Variants in DLGAP2 observed in about 807,000 individuals in gnomAD.
DLGAP2 encodes the protein DLG associated protein 2.
In DLGAP2, 26 loss-of-function variants were observed where a neutral mutation model predicts 100.3. The observed-to-expected ratio is 0.26, with a 90% confidence interval of 0.19 to 0.36. The LOEUF (loss-of-function observed/expected upper bound fraction) is 0.36. DLGAP2 is among the 10% of genes least tolerant of loss of function. The pLI, the probability that DLGAP2 is intolerant of heterozygous loss-of-function variation, is 1.00. For synonymous variants in DLGAP2, 886 were observed against 630.1 expected, an observed-to-expected ratio of 1.41 and a Z score of -6.08; for missense variants, 1,858 against 1,453.2, an observed-to-expected ratio of 1.28 and a Z score of -4.53.
chr8:1,249,403 T>A (rs1798987703), intron 2 of DLGAP2, among the ~76,000 whole-genome samples: 1 of 152,152 alleles, frequency 6.6e-6, no homozygotes, highest in African/African-American at 2.4e-5. Context: ...TCTTCAGGTG[T>A]TTCTGAACTA....
chr8:1,615,561 G>C (rs1431997984), intron 6 of DLGAP2, among the ~76,000 whole-genome samples: 2 of 152,006 alleles, frequency 1.3e-5, no homozygotes, highest in African/African-American at 4.8e-5. Context: ...TCACCGGAAA[G>C]ATCTTTAAAG....
chr8:867,085 A>G (rs1797512147), intron 1 of DLGAP2, among the ~76,000 whole-genome samples: 1 of 152,158 alleles, frequency 6.6e-6, no homozygotes, highest in Admixed American at 6.5e-5. Flanking sequence ...ACCCGGTACC[A>G]CTGATTCGTG....
intron 2 of DLGAP2, among the ~76,000 whole-genome samples, chr8:936,555 C>T (rs556828795): frequency 6.6e-6 from 1 of 152,212 alleles, no homozygotes; most frequent in South Asian, 2.1e-4. Flanking sequence ...GTGAAGGAAA[C>T]ACACTTAGAC....
At chr8:870,229 C>A (rs529798298) in intron 1 of DLGAP2, among the ~76,000 whole-genome samples, 1 of 152,198 alleles carries the variant, frequency 6.6e-6, no homozygotes, top group East Asian at 1.9e-4. Context: ...TTTCTCCTGA[C>A]AGGATCCCTG....
At position 1,375,182 on chromosome 8, in the gene DLGAP2, CCCCTCTCCACGGCCTCAGAACTG is replaced by C. The variant is rs1313566969; in HGVS notation, c.106+116300_106+116322del. Among the ~76,000 whole-genome samples the C allele has an allele frequency of 1.1e-4, 10 of 89,358 alleles. 1 individual carries two copies. The highest frequency in any genetic ancestry group is 4.7e-4 in the East Asian group (1 of 2,122). 58.6% of individuals were successfully genotyped at this position (89,358 alleles called of 152,430 possible). A position where few individuals can be genotyped will look rare whatever the true frequency, so the allele number is the denominator to read the frequency against. ...CCACCTCCTACATTTGGGTTAACGA[CCCCTCTCCACGGCCTCAGAACTG>C]ATCCCCCACCTCCTACATTTGGGTT... On this transcript the variant is annotated intron_variant, in intron 3 of 14. Coordinates refer to ENST00000637795, the MANE Select transcript of DLGAP2 (RefSeq NM_001346810.2).
chr8:953,736 A>G (rs1799534803), intron 2 of DLGAP2, among the ~76,000 whole-genome samples: 2 of 152,102 alleles, frequency 1.3e-5, no homozygotes, highest in Non-Finnish European at 1.5e-5. Context: ...TGAGAAAGAA[A>G]GTGCCGAGTG....
At chr8:1,478,729 A>G (rs1326727004) in intron 3 of DLGAP2, among the ~76,000 whole-genome samples, 2 of 152,146 alleles carry the variant, frequency 1.3e-5, no homozygotes, top group Non-Finnish European at 2.9e-5. Flanking sequence ...TTTGGATGGC[A>G]GCCACCCCCA....
chr8:1,081,338 A>G (rs1287485887), intron 2 of DLGAP2, among the ~76,000 whole-genome samples: 6 of 152,254 alleles, frequency 3.9e-5, no homozygotes, highest in South Asian at 4.1e-4. Flanking sequence ...ATAATAAGAT[A>G]CATAAGAAAG....
chr8:1,607,617 C>T (rs1796843270), intron 6 of DLGAP2, among the ~76,000 whole-genome samples: 1 of 152,218 alleles, frequency 6.6e-6, no homozygotes, highest in African/African-American at 2.4e-5. Context: ...TCTGCATTTC[C>T]ATCTGAGGTA....
intron 1 of DLGAP2, among the ~76,000 whole-genome samples, chr8:800,575 CT>C (rs1220562385): frequency 6.6e-6 from 1 of 152,182 alleles, no homozygotes. Flanking sequence ...GCATTGACAT[CT>C]ACAGTGGAGA....
rs554093937 is a variant in DLGAP2, at chr8:1,614,281, A to G, written c.1443-12459A>G. ...TCTCCTGAGCATTTGCAGTCAGGCAAGAGAACAGCCGTGGGGCCTCTGCAG... is the reference window on the plus strand; with the variant it reads ...TCTCCTGAGCATTTGCAGTCAGGCAGGAGAACAGCCGTGGGGCCTCTGCAG... On this transcript the variant is annotated intron_variant, in intron 6 of 14. Transcript: ENST00000637795. 5.9e-5 allele frequency among the ~76,000 whole-genome samples: 9 copies of G among 152,384 alleles called. No homozygotes were observed. The East Asian group carries it at 1.7e-3, about 29-fold the overall frequency.
At chr8:1,447,344 C>T (rs919230696) in intron 3 of DLGAP2, among the ~76,000 whole-genome samples, 43 of 152,156 alleles carry the variant, frequency 2.8e-4, no homozygotes, top group African/African-American at 9.7e-4. Context: ...TTGAGATAAT[C>T]ATGTGGTTTT....
At chr8:789,265 G>A (rs1467793939) in intron 1 of DLGAP2, among the ~76,000 whole-genome samples, 2 of 152,218 alleles carry the variant, frequency 1.3e-5, no homozygotes. Context: ...AGGATTTGCG[G>A]GAAGCATGGC....
At chr8:1,291,605 A>T (rs916041051) in intron 3 of DLGAP2, among the ~76,000 whole-genome samples, 2 of 152,142 alleles carry the variant, frequency 1.3e-5, no homozygotes, top group African/African-American at 4.8e-5. Flanking sequence ...TACTCTTAGC[A>T]TATCTCCTAT....
chr8:1,680,939 T>A (rs962127681), intron 12 of DLGAP2: 2 of 152,254 alleles, frequency 1.3e-5, no homozygotes, highest in African/African-American at 4.8e-5. Context: ...GGTGCCTTCC[T>A]TCCAGGATGA....
rs556224139 is a variant in DLGAP2 at position 1,376,866 on chromosome 8, C to T, written c.106+117983C>T. 1.6e-4 allele frequency among the ~76,000 whole-genome samples: 24 copies of T among 152,250 alleles called. No individual in the cohort carries two copies. In the South Asian group the frequency reaches 2.5e-3, roughly 16 times the overall value. On this transcript the variant is annotated intron_variant, in intron 3 of 14. Coordinates refer to ENST00000637795, the MANE Select transcript of DLGAP2 (RefSeq NM_001346810.2). Reference sequence around the variant, plus strand: ...TTTGGCCGTGAAAGCGAAATGTGCACGGGTAGGAAATGGCCTCAGAGCAAG... The same window carrying T: ...TTTGGCCGTGAAAGCGAAATGTGCATGGGTAGGAAATGGCCTCAGAGCAAG...
intron 2 of DLGAP2, among the ~76,000 whole-genome samples, chr8:965,827 G>T (rs928317307): frequency 6.7e-6 from 1 of 150,034 alleles, no homozygotes; most frequent in African/African-American, 2.5e-5. Context: ...CGCTGTACAC[G>T]GCACTGTTCA....
chr8:1,076,236 G>A (rs1396883957), intron 2 of DLGAP2, among the ~76,000 whole-genome samples: 3 of 152,192 alleles, frequency 2.0e-5, no homozygotes, highest in Non-Finnish European at 4.4e-5. Context: ...CTTCCTGCCT[G>A]TGAAGGAATG....
At chr8:911,122 A>G (rs1039303541) in intron 2 of DLGAP2, among the ~76,000 whole-genome samples, 3 of 152,136 alleles carry the variant, frequency 2.0e-5, no homozygotes, top group Admixed American at 2.0e-4. Flanking sequence ...TTTTATAGCC[A>G]GGTGTTCCTC....
Sources: allele counts gnomAD v4.1 joint callset (sites outside exome capture counted in the v4.1 genomes callset), GRCh38; gene constraint gnomAD v4.1.1; transcripts MANE v1.5; gene names NCBI Gene and HGNC (gene_info 2026-07-23, HGNC 2026-07-21).